The following NOD2 variants were observed in gnomAD, a reference collection of about 807,000 sequenced individuals.
NOD2 encodes the protein nucleotide-binding oligomerization domain-containing protein 2.
In NOD2, 86 loss-of-function variants were observed where a neutral mutation model predicts 90.9. The ratio of observed to expected loss-of-function variants is 0.95; its 90% CI spans 0.79 to 1.13. The LOEUF (loss-of-function observed/expected upper bound fraction) is 1.13, where lower values mean the gene tolerates loss of function less well. NOD2 is among the 50% of genes most tolerant of loss of function. The pLI is 0.00. For missense variants in NOD2, 1,238 were observed against 1,283.8 expected (o/e 0.96, Z 0.55); for synonymous variants, 581 against 554.6 (o/e 1.05, Z -0.67).
chr16:50,704,898 G>A lies in NOD2; in HGVS notation c.460-2957G>A, dbSNP rs552438800. On this transcript the variant is annotated intron_variant, in intron 2 of 11. Transcript: ENST00000647318. ...CAGAATTTTAAAATTTCAATTATGTGCCTTGGTGTTCTTCCATTATGTTAG... is the reference window on the plus strand; with the variant it reads ...CAGAATTTTAAAATTTCAATTATGTACCTTGGTGTTCTTCCATTATGTTAG... Among the ~76,000 whole-genome samples, 10 of 152,260 alleles carry A rather than the reference G, an allele frequency of 6.6e-5. No homozygotes were observed. The East Asian group carries it at 1.7e-3, about 26-fold the overall frequency.
rs375781791 is a variant in NOD2 at position 50,729,591 on chromosome 16, T to G, written c.2886-227T>G. Reference sequence around the variant, plus strand: ...ACCACTATCCTAAGGGAGTGGCTACTTAATTTGATAAACTCATCTAGTGAA... The same window carrying G: ...ACCACTATCCTAAGGGAGTGGCTACGTAATTTGATAAACTCATCTAGTGAA... On this transcript the variant is annotated intron_variant, in intron 10 of 11. Transcript: ENST00000647318. Among the ~76,000 whole-genome samples, 584 of 152,306 alleles carry G rather than the reference T, an allele frequency of 3.8e-3. 4 individuals are homozygous for G. The highest frequency in any genetic ancestry group is 0.013 in the African/African-American group (550 of 41,556).
chr16:50,711,470 AT>A lies in NOD2; in HGVS notation c.1482del (p.Leu495CysfsTer241). On this transcript the variant is annotated frameshift_variant, in exon 4 of 12. Transcript: ENST00000647318. LOFTEE classifies it high-confidence loss of function. ...TTDMYLLILQ[H>X]FLLHATPPDS... ...GATATGTACCTGCTGATTCTGCAGC[AT>A]TTTCTGCTGCATGCCACCCCCCCAG... 1 of 1,613,374 alleles carries A rather than the reference AT, an allele frequency of 6.2e-7. No homozygotes were observed.
At position 50,711,914 on chromosome 16, in the gene NOD2, C is replaced by A; in HGVS notation, c.1922C>A (p.Pro641Gln). Residue 641 changes from proline (P) to glutamine (Q), a missense_variant, in exon 4 of 12, where the codon CCG (proline) becomes CAG (glutamine). Physicochemically the swap from Pro to Gln is moderately conservative, Grantham distance 76. Coordinates refer to ENST00000647318, the MANE Select transcript of NOD2 (RefSeq NM_001370466.1). The stretch of plus-strand genomic sequence containing the variant: ...GCAGCTTTGCTGCAGAAGGCCGAGC[C>A]GCACAACCTTCAGATCACAGCAGCC... The part of the protein sequence containing the change: ...SVAALLQKAE[P>Q]HNLQITAAFL... The A allele has an allele frequency of 1.9e-6, 3 of 1,608,648 alleles. No homozygotes were observed. In the South Asian group the frequency reaches 3.3e-5, roughly 18 times the overall value.
At chr16:50,696,016 T>C (rs1184596047) in intron 1 of NOD2, among the ~76,000 whole-genome samples, 1 of 146,900 alleles carries the variant, frequency 6.8e-6, no homozygotes, top group African/African-American at 2.5e-5. Context: ...GAGTGCATTG[T>C]GCACTGGTGG....
rs752017238 is a variant in NOD2, at chr16:50,731,862, CTG to C, written c.*46_*47del. ...TCGTCTCAGTTTGTTTGTGAGCAGG[CTG>C]TGAGTTTGGGCCCCAGAGGCTGGGT... On this transcript the variant is annotated 3_prime_UTR_variant, in exon 12 of 12. Transcript: ENST00000647318. The C allele has an allele frequency of 1.7e-5, 26 of 1,508,468 alleles. No individual in the cohort carries two copies. In the African/African-American group the frequency reaches 2.6e-4, roughly 15 times the overall value. 93.4% of individuals were successfully genotyped at this position (1,508,468 alleles called of 1,614,324 possible). A position where few individuals can be genotyped will look rare whatever the true frequency, so the allele number is the denominator to read the frequency against.
chr16:50,717,927 G>A (rs1387197589), intron 6 of NOD2, among the ~76,000 whole-genome samples: 2 of 152,202 alleles, frequency 1.3e-5, no homozygotes, highest in Non-Finnish European at 1.5e-5. Flanking sequence ...TGAAACCATG[G>A]AGAGTATCAA....
chr16:50,714,001 G>A (rs1964665428), intron 4 of NOD2, among the ~76,000 whole-genome samples: 1 of 152,210 alleles, frequency 6.6e-6, no homozygotes, highest in Non-Finnish European at 1.5e-5. Flanking sequence ...CCCTAGGAGG[G>A]AGGATCATGA....
chr16:50,697,113 G>A, intron 1 of NOD2: 1 of 849,592 alleles, frequency 1.2e-6, no homozygotes, highest in South Asian at 1.4e-5. Context: ...CTTTTCCTTT[G>A]GGAATTTCCC....
Position 50,710,561 on chromosome 16 carries a change from C to T in NOD2, c.569C>T (p.Ala190Val). ...PVPLALPLEA[A>V]TCKKYMAKLR... ...TGCCTCTTCTTCTGCCTTCCAGCTG[C>T]CACATGCAAGAAGTATATGGCCAAG... is the stretch of plus-strand genomic sequence containing the variant. The change falls in exon 4 of 12, where the codon GCC (alanine) becomes GTC (valine). Residue 190 changes from alanine to valine, a missense_variant. Around this residue, in one of 3 missense-constraint regions of NOD2, gnomAD observed 567 missense variants for 577.3 expected, o/e 0.98. Transcript: ENST00000647318. 1.2e-6 allele frequency: 2 copies of T among 1,614,230 alleles called. No homozygotes were observed. The highest frequency in any genetic ancestry group is 1.7e-6 in the Non-Finnish European group (2 of 1,180,046).
At chr16:50,717,216 C>G (rs1964840519) in intron 6 of NOD2, among the ~76,000 whole-genome samples, 1 of 152,216 alleles carries the variant, frequency 6.6e-6, no homozygotes, top group South Asian at 2.1e-4. Flanking sequence ...GAAAGCTTTT[C>G]TAGGCCCCTT....
In NOD2 at chr16:50,699,748, G is replaced by A; in HGVS notation, c.253G>A (p.Ala85Thr). The A allele has an allele frequency of 2.5e-6, 4 of 1,614,002 alleles. No homozygotes were observed. Among genetic ancestry groups the A allele is most frequent in the Non-Finnish European group, 2.5e-6 (3 of 1,180,042 alleles). ...KLIAAAQEAQ[A>T]DSQSPKLHGC... The stretch of plus-strand genomic sequence containing the variant: ...CATCGCGGCTGCCCAAGAAGCCCAG[G>A]CCGACAGCCAGTCCCCCAAGCTGCA... Residue 85 changes from alanine (A) to threonine (T), a missense_variant, in exon 2 of 12, where the codon GCC (alanine) becomes ACC (threonine). Ala to Thr is a moderately conservative substitution (Grantham distance 58, BLOSUM62 0). This residue lies in a region of NOD2 where 567 missense variants were observed against 577.3 expected (regional missense o/e 0.98). Transcript: ENST00000647318.
intron 2 of NOD2, among the ~76,000 whole-genome samples, chr16:50,707,141 C>T (rs1219027256): frequency 2.0e-5 from 3 of 152,106 alleles, no homozygotes; most frequent in African/African-American, 7.2e-5. Flanking sequence ...TTTGAAATTC[C>T]ACATGCGGCT....
chr16:50,710,016 GGT>G, intron 3 of NOD2: 1 of 456,066 alleles, frequency 2.2e-6, no homozygotes, highest in Non-Finnish European at 4.4e-6. Context: ...TTCAAACTCA[GGT>G]GTGTCTGGCT....
At chr16:50,725,213 A>G (rs1261976274) in intron 9 of NOD2, among the ~76,000 whole-genome samples, 1 of 152,238 alleles carries the variant, frequency 6.6e-6, no homozygotes, top group African/African-American at 2.4e-5. Context: ...TGGCTGTCCA[A>G]ATGAAATGAG....
At chr16:50,713,977 A>G (rs1163555414) in intron 4 of NOD2, among the ~76,000 whole-genome samples, 1 of 152,218 alleles carries the variant, frequency 6.6e-6, no homozygotes, top group Admixed American at 6.5e-5. Flanking sequence ...AACAGCCAGC[A>G]CCAAACTCTA....
rs104895438 is a variant in NOD2 at position 50,711,745 on chromosome 16, G to A, written c.1753G>A (p.Ala585Thr). 521 of 1,614,154 alleles carry A rather than the reference G, an allele frequency of 3.2e-4. 3 individuals are homozygous for A. The highest frequency in any genetic ancestry group is 1.4e-3 in the East Asian group (63 of 44,880). Reference protein sequence around the residue: ...LHITFQCFFAAFYLALSADVP... With the variant: ...LHITFQCFFATFYLALSADVP... ...CATCACTTTCCAGTGCTTCTTTGCC[G>A]CGTTCTACCTGGCACTCAGTGCTGA... The change falls in exon 4 of 12, where the codon GCG becomes ACG. Residue 585 changes from alanine (A) to threonine (T), a missense_variant. By Grantham distance (58) the Ala-to-Thr change is moderately conservative. Transcript: ENST00000647318.
chr16:50,725,392 T>A, intron 9 of NOD2, 97 bp from the exon 10 acceptor site: 1 of 918,606 alleles, frequency 1.1e-6, no homozygotes. Context: ...GAGTTTGGGT[T>A]TTCAGATGTT....
At chr16:50,707,120 CTGTT>C (rs1964231953) in intron 2 of NOD2, among the ~76,000 whole-genome samples, 1 of 152,126 alleles carries the variant, frequency 6.6e-6, no homozygotes, top group Non-Finnish European at 1.5e-5. Context: ...AAAAATATGT[CTGTT>C]AGAGGATTTG....
intron 10 of NOD2, 34 bp downstream of exon 10, chr16:50,725,606 A>C: frequency 1.3e-6 from 2 of 1,531,082 alleles, no homozygotes; most frequent in Non-Finnish European, 1.8e-6. Context: ...CAGGACAATA[A>C]TTGCTGGCCT....
Sources: allele counts gnomAD v4.1 joint callset (sites outside exome capture counted in the v4.1 genomes callset), GRCh38; gene constraint gnomAD v4.1.1; regional missense constraint gnomAD v4.1.1; transcripts MANE v1.5; gene names NCBI Gene and HGNC (gene_info 2026-07-23, HGNC 2026-07-21).